Variants in SH3RF3 observed in about 807,000 individuals in gnomAD.
SH3RF3 encodes the protein SH3 domain containing ring finger 3, also known as E3 ubiquitin-protein ligase SH3RF3.
A neutral mutation model predicts 66.3 loss-of-function variants in SH3RF3; 29 were observed. The ratio of observed to expected loss-of-function variants is 0.44; its 90% confidence interval spans 0.33 to 0.60. The LOEUF (loss-of-function observed/expected upper bound fraction) is 0.60. SH3RF3 is among the 20% of genes least tolerant of loss of function. SH3RF3 has a pLI of 0.04. For missense variants in SH3RF3, 1,194 were observed against 1,190.9 expected (o/e 1.00, Z -0.04); for synonymous variants, 583 against 532.0 (o/e 1.10, Z -1.32).
At chr2:109,477,161 G>A (rs774444441) in intron 8 of SH3RF3, among the ~76,000 whole-genome samples, 1 of 152,164 alleles carries the variant, frequency 6.6e-6, no homozygotes, top group Non-Finnish European at 1.5e-5. Context: ...CAATTGGCCT[G>A]AATGACCGTT....
chr2:109,481,867 A>G (rs1262457015), intron 8 of SH3RF3, among the ~76,000 whole-genome samples: 2 of 152,098 alleles, frequency 1.3e-5, no homozygotes, highest in African/African-American at 2.4e-5. Context: ...TTGATGAGCA[A>G]TTGGCCAAGT....
At chr2:109,385,380 C>T (rs1675796732) in intron 3 of SH3RF3, among the ~76,000 whole-genome samples, 1 of 152,232 alleles carries the variant, frequency 6.6e-6, no homozygotes, top group African/African-American at 2.4e-5. Context: ...TCCCATGTCA[C>T]TCTGCAGAGA....
In SH3RF3 at chr2:109,320,284, C is replaced by T. The variant is rs149665399; in HGVS notation, c.574-27390C>T. Among the ~76,000 whole-genome samples the T allele has an allele frequency of 2.1e-4, 32 of 152,300 alleles. 1 individual carries two copies. The East Asian group carries it at 6.2e-3, about 29-fold the overall frequency. On this transcript the variant is annotated intron_variant, in intron 1 of 9. Coordinates refer to ENST00000309415, the MANE Select transcript of SH3RF3 (RefSeq NM_001099289.3). ...TGGGAATGAGAGCAGAGGTTTCCTT[C>T]CTGTTCTCTGCACAGCAGCCAGTGG...
At position 109,429,838 on chromosome 2, in the gene SH3RF3, A is replaced by G. The variant is rs557318859; in HGVS notation, c.1404-2663A>G. 9.2e-5 allele frequency among the ~76,000 whole-genome samples: 14 copies of G among 152,318 alleles called. 1 individual carries two copies. The South Asian group carries it at 2.9e-3, about 32-fold the overall frequency. ...CCACCCGAGCAGAGGTAGCCCTGCT[A>G]GGGGTTCCATGCTCCCAGGCCACCA... On this transcript the variant is annotated intron_variant, in intron 5 of 9. Coordinates refer to ENST00000309415, the MANE Select transcript of SH3RF3 (RefSeq NM_001099289.3).
At chr2:109,419,759 T>C in intron 5 of SH3RF3, 117 bp downstream of exon 5, 1 of 915,244 alleles carries the variant, frequency 1.1e-6, no homozygotes, top group African/African-American at 1.7e-5. Flanking sequence ...AGTTGGCCAG[T>C]ATAGTTATGT....
intron 1 of SH3RF3, among the ~76,000 whole-genome samples, chr2:109,248,764 C>A (rs1221303588): frequency 1.3e-5 from 2 of 151,394 alleles, no homozygotes; most frequent in Non-Finnish European, 2.9e-5. Flanking sequence ...TTCTCTCTCT[C>A]TCTCTTTCTC....
intron 8 of SH3RF3, among the ~76,000 whole-genome samples, chr2:109,458,064 C>T (rs1171969290): frequency 2.0e-5 from 3 of 152,092 alleles, no homozygotes; most frequent in African/African-American, 4.8e-5. Context: ...GTGCAGGAGC[C>T]GGGGAGGGCA....
chr2:109,485,301 TACGGGTC>T (rs1171446604), intron 8 of SH3RF3, among the ~76,000 whole-genome samples: 4 of 152,244 alleles, frequency 2.6e-5, no homozygotes, highest in African/African-American at 9.6e-5. Context: ...AATGTGCACT[TACGGGTC>T]ACATGTACAG....
At chr2:109,294,021 T>C (rs1208517156) in intron 1 of SH3RF3, among the ~76,000 whole-genome samples, 2 of 152,170 alleles carry the variant, frequency 1.3e-5, no homozygotes, top group Non-Finnish European at 2.9e-5. Context: ...TTGTGTCACA[T>C]CCCTTCTTGG....
At chr2:109,240,269 G>A (rs912605281) in intron 1 of SH3RF3, among the ~76,000 whole-genome samples, 1 of 152,186 alleles carries the variant, frequency 6.6e-6, no homozygotes, top group Non-Finnish European at 1.5e-5. Context: ...GGAGGCCCAG[G>A]AGGGCAGATC....
chr2:109,352,751 A>G (rs1037482707), intron 2 of SH3RF3, among the ~76,000 whole-genome samples: 1 of 152,158 alleles, frequency 6.6e-6, no homozygotes, highest in Admixed American at 6.5e-5. Context: ...CTCTGTGCAC[A>G]ATGATGCCTC....
Position 109,307,271 on chromosome 2 carries a change from G to A in SH3RF3, c.574-40403G>A, listed in dbSNP as rs183839448. On this transcript the variant is annotated intron_variant, in intron 1 of 9. Transcript: ENST00000309415. Reference sequence around the variant, plus strand: ...GTGTGTAGCCACATTGATTTAATTCGCAAATTTGCATTGTAATATATGATA... The same window carrying A: ...GTGTGTAGCCACATTGATTTAATTCACAAATTTGCATTGTAATATATGATA... Among the ~76,000 whole-genome samples the A allele has an allele frequency of 4.2e-3, 642 of 152,196 alleles. 5 individuals carry two copies. Among genetic ancestry groups the A allele is most frequent in the African/African-American group, 0.014 (587 of 41,522 alleles).
At chr2:109,317,327 G>A (rs1017661284) in intron 1 of SH3RF3, among the ~76,000 whole-genome samples, 1 of 152,140 alleles carries the variant, frequency 6.6e-6, no homozygotes, top group East Asian at 1.9e-4. Context: ...CTGAGGGGGC[G>A]TCTGTGGGCA....
At chr2:109,313,951 G>A (rs948068205) in intron 1 of SH3RF3, among the ~76,000 whole-genome samples, 6 of 152,174 alleles carry the variant, frequency 3.9e-5, no homozygotes, top group Non-Finnish European at 7.3e-5. Flanking sequence ...ACTTTGTTTT[G>A]TAGGGCACAA....
chr2:109,382,311 T>C (rs374923614), intron 3 of SH3RF3, among the ~76,000 whole-genome samples: 1 of 152,160 alleles, frequency 6.6e-6, no homozygotes, highest in East Asian at 1.9e-4. Flanking sequence ...ACACAAGTCA[T>C]TGGGAAAGCT....
At chr2:109,301,888 G>A (rs550930112) in intron 1 of SH3RF3, among the ~76,000 whole-genome samples, 2 of 152,320 alleles carry the variant, frequency 1.3e-5, no homozygotes, top group African/African-American at 4.8e-5. Flanking sequence ...TCTCAAGGGT[G>A]TTGGCCTAAG....
chr2:109,245,856 G>A (rs1029125511), intron 1 of SH3RF3, among the ~76,000 whole-genome samples: 1 of 152,138 alleles, frequency 6.6e-6, no homozygotes, highest in African/African-American at 2.4e-5. Context: ...ATTGAATCTA[G>A]AGTACTTAAC....
chr2:109,324,407 C>T (rs956225255), intron 1 of SH3RF3, among the ~76,000 whole-genome samples: 36 of 152,296 alleles, frequency 2.4e-4, no homozygotes, highest in African/African-American at 7.9e-4. Context: ...CCATTCCCAC[C>T]GGCAATGTAT....
intron 2 of SH3RF3, among the ~76,000 whole-genome samples, chr2:109,359,493 A>T (rs543517481): frequency 6.6e-6 from 1 of 152,342 alleles, no homozygotes; most frequent in East Asian, 1.9e-4. Context: ...ATATTTTGTT[A>T]CACTTATACT....
Sources: allele counts gnomAD v4.1 joint callset (sites outside exome capture counted in the v4.1 genomes callset), GRCh38; gene constraint gnomAD v4.1.1; transcripts MANE v1.5; gene names NCBI Gene and HGNC (gene_info 2026-07-23, HGNC 2026-07-21).